The following ATXN10 variants were observed in gnomAD, a reference collection of about 807,000 sequenced individuals.
ATXN10 encodes the protein ataxin-10.
In ATXN10, 28 loss-of-function variants were observed where a neutral mutation model predicts 52.9. The observed-to-expected ratio is 0.53, with a 90% CI of 0.39 to 0.73. The LOEUF (loss-of-function observed/expected upper bound fraction) is 0.73. Among genes scored for constraint, ATXN10 ranks in the 30% least tolerant of loss-of-function variants. The pLI is 0.00. For synonymous variants in ATXN10, 226 were observed against 221.5 expected, an observed-to-expected ratio of 1.02 and a Z score of -0.18; for missense variants, 565 against 577.0, an observed-to-expected ratio of 0.98 and a Z score of 0.21.
At position 45,762,159 on chromosome 22, in the gene ATXN10, G is replaced by A. The variant is rs184950304; in HGVS notation, c.1173+21621G>A. Among the ~76,000 whole-genome samples, 292 of 152,308 alleles carry A rather than the reference G, an allele frequency of 1.9e-3. No individual in the cohort carries two copies. Among genetic ancestry groups the A allele is most frequent in the Non-Finnish European group, 3.3e-3 (222 of 68,024 alleles). On this transcript the variant is annotated intron_variant, in intron 9 of 11. Transcript: ENST00000252934. The surrounding 1 kb of genome is among the most constrained non-coding windows in gnomAD (Gnocchi z 4.3). ...AAAAGTGAAAAGCTTGACATTACAG[G>A]TAGAAAGGAAGTCAGTCTCTGTCCC...
In ATXN10 at chr22:45,725,839, C is replaced by T. The variant is rs6006799; in HGVS notation, c.729-3586C>T. Reference sequence around the variant, plus strand: ...GCTTTTACTATTTTGAGATATGTTCCTTCTATGCCCAGATTTTTATCATAA... The same window carrying T: ...GCTTTTACTATTTTGAGATATGTTCTTTCTATGCCCAGATTTTTATCATAA... On this transcript the variant is annotated intron_variant, in intron 6 of 11. Coordinates refer to ENST00000252934, the MANE Select transcript of ATXN10 (RefSeq NM_013236.4). Among the ~76,000 whole-genome samples the T allele has an allele frequency of 3.8e-3, 581 of 152,106 alleles. 4 individuals carry two copies. Among genetic ancestry groups the T allele is most frequent in the African/African-American group, 0.013 (549 of 41,512 alleles).
chr22:45,794,960 T>G (rs1927656588), intron 9 of ATXN10, among the ~76,000 whole-genome samples: 1 of 152,190 alleles, frequency 6.6e-6, no homozygotes, highest in African/African-American at 2.4e-5. Flanking sequence ...GTAATCATAA[T>G]GGCAGTATAT....
Position 45,763,421 on chromosome 22 carries a change from G to A in ATXN10, c.1173+22883G>A, listed in dbSNP as rs1306618890. 1.3e-5 allele frequency among the ~76,000 whole-genome samples: 2 copies of A among 152,192 alleles called. No individual in the cohort carries two copies. The highest frequency in any genetic ancestry group is 6.5e-5 in the Admixed American group (1 of 15,274). On this transcript the variant is annotated intron_variant, in intron 9 of 11. Transcript: ENST00000252934. This position sits in a 1 kb window ranked among gnomAD's most constrained non-coding sequence, Gnocchi z 6.9. ...GGCCTTTGGACTTGGCCCCTCGCTC[G>A]CTTTGCCAGGAGACAGGCGGCTCCT...
Position 45,783,620 on chromosome 22 carries a change from G to A in ATXN10, c.1174-23339G>A, listed in dbSNP as rs542260610. 1.1e-3 allele frequency among the ~76,000 whole-genome samples: 169 copies of A among 152,206 alleles called. No homozygotes were observed. The highest frequency in any genetic ancestry group is 3.7e-3 in the African/African-American group (154 of 41,536). On this transcript the variant is annotated intron_variant, in intron 9 of 11. Coordinates refer to ENST00000252934, the MANE Select transcript of ATXN10 (RefSeq NM_013236.4). This position sits in a 1 kb window ranked among gnomAD's most constrained non-coding sequence, Gnocchi z 5.0. ...GAATGGTGCTTTTTGCTTGTCTGTG[G>A]GGCCTTCTCTCTCCCTTATCCCCAC...
Position 45,690,062 on chromosome 22 carries a change from C to T in ATXN10, c.308+159C>T, listed in dbSNP as rs1923311148. 2.0e-5 allele frequency among the ~76,000 whole-genome samples: 3 copies of T among 152,018 alleles called. No individual in the cohort carries two copies. Among genetic ancestry groups the T allele is most frequent in the African/African-American group, 7.2e-5 (3 of 41,388 alleles). On this transcript the variant is annotated intron_variant, in intron 2 of 11. Transcript: ENST00000252934. The surrounding 1 kb of genome is among the most constrained non-coding windows in gnomAD (Gnocchi z 4.5). ...CTGAGGCAGGAGGATTGCTTGAGTC[C>T]AGGAGTTCAAGACCGGCCTGGGCAA...
chr22:45,728,017 T>G lies in ATXN10; in HGVS notation c.729-1408T>G, dbSNP rs1924947093. ...TCTCTTGAAGACAGCAGGTATTTGG[T>G]TTGTGATTTTTTTTTTTAATCCATT... On this transcript the variant is annotated intron_variant, in intron 6 of 11. Coordinates refer to ENST00000252934, the MANE Select transcript of ATXN10 (RefSeq NM_013236.4). This position sits in a 1 kb window ranked among gnomAD's most constrained non-coding sequence, Gnocchi z 4.3. Among the ~76,000 whole-genome samples the G allele has an allele frequency of 6.6e-6, 1 of 152,108 alleles. No homozygotes were observed. Among genetic ancestry groups the G allele is most frequent in the South Asian group, 2.1e-4 (1 of 4,826 alleles).
chr22:45,831,541 C>T (rs1332488545), intron 10 of ATXN10, among the ~76,000 whole-genome samples: 1 of 152,190 alleles, frequency 6.6e-6, no homozygotes, highest in Non-Finnish European at 1.5e-5. Flanking sequence ...ACAGTAATAT[C>T]TGACATTGAG....
At position 45,795,837 on chromosome 22, in the gene ATXN10, A is replaced by G. The variant is rs571034949; in HGVS notation, c.1174-11122A>G. On this transcript the variant is annotated intron_variant, in intron 9 of 11. Coordinates refer to ENST00000252934, the MANE Select transcript of ATXN10 (RefSeq NM_013236.4). This position sits in a 1 kb window ranked among gnomAD's most constrained non-coding sequence, Gnocchi z 4.6. ...ATGCCTGTCTTGTCTTTAATATCTTAATCTCGTCATCTTCATAAGCTGAGG... is the reference window on the plus strand; with the variant it reads ...ATGCCTGTCTTGTCTTTAATATCTTGATCTCGTCATCTTCATAAGCTGAGG... 7.9e-5 allele frequency among the ~76,000 whole-genome samples: 12 copies of G among 152,292 alleles called. No homozygotes were observed. The South Asian group carries it at 2.5e-3, about 32-fold the overall frequency.
chr22:45,740,852 C>T (rs971549723), intron 9 of ATXN10: 2 of 167,168 alleles, frequency 1.2e-5, no homozygotes, highest in Non-Finnish European at 2.6e-5. Flanking sequence ...TTATTATTGC[C>T]TATTATCTTA....
rs1928790750 is a variant in ATXN10 at position 45,825,671 on chromosome 22, G to C, written c.1238-17320G>C. Among the ~76,000 whole-genome samples the C allele has an allele frequency of 6.6e-6, 1 of 152,012 alleles. No individual in the cohort carries two copies. The highest frequency in any genetic ancestry group is 1.5e-5 in the Non-Finnish European group (1 of 68,008). On this transcript the variant is annotated intron_variant, in intron 10 of 11. Transcript: ENST00000252934. The surrounding 1 kb of genome is among the most constrained non-coding windows in gnomAD (Gnocchi z 4.5). Reference sequence around the variant, plus strand: ...ACAGGAAAGTAGGCCCATTCAAGGGGGAAAAAATGAAACAAACAGAAACCA... The same window carrying C: ...ACAGGAAAGTAGGCCCATTCAAGGGCGAAAAAATGAAACAAACAGAAACCA...
intron 1 of ATXN10, among the ~76,000 whole-genome samples, chr22:45,686,624 C>T (rs928649428): frequency 6.6e-5 from 10 of 152,022 alleles, no homozygotes; most frequent in African/African-American, 2.2e-4. Context: ...CCGAGACCAG[C>T]CTGACCAAAA....
chr22:45,792,087 T>G (rs937244177), intron 9 of ATXN10, among the ~76,000 whole-genome samples: 2 of 152,226 alleles, frequency 1.3e-5, no homozygotes, highest in South Asian at 4.1e-4. Context: ...TACCTTTTCT[T>G]AAGCTCAATC....
rs1924283309 is a variant in ATXN10 at position 45,712,366 on chromosome 22, T to C, written c.648-6047T>C. On this transcript the variant is annotated intron_variant, in intron 5 of 11. Transcript: ENST00000252934. The surrounding 1 kb of genome is among the most constrained non-coding windows in gnomAD (Gnocchi z 4.6). Reference sequence around the variant, plus strand: ...TGGCGAATGCATGTCCTTTTCATTATCTGCTTTTGCTTCAGGAGGGAAACA... The same window carrying C: ...TGGCGAATGCATGTCCTTTTCATTACCTGCTTTTGCTTCAGGAGGGAAACA... Among the ~76,000 whole-genome samples, 1 of 152,248 alleles carries C rather than the reference T, an allele frequency of 6.6e-6. No homozygotes were observed. The highest frequency in any genetic ancestry group is 1.5e-5 in the Non-Finnish European group (1 of 68,046).
chr22:45,702,421 T>C, intron 4 of ATXN10, among the ~76,000 whole-genome samples: 1 of 152,240 alleles, frequency 6.6e-6, no homozygotes, highest in Non-Finnish European at 1.5e-5. Context: ...ATGTAATCAT[T>C]CTAATCTTTT....
chr22:45,798,160 A>G (rs1275313948), intron 9 of ATXN10, among the ~76,000 whole-genome samples: 1 of 152,242 alleles, frequency 6.6e-6, no homozygotes, highest in African/African-American at 2.4e-5. Context: ...ACACTTCTCA[A>G]CTTATTTTAT....
At chr22:45,797,039 G>A (rs1927766443) in intron 9 of ATXN10, among the ~76,000 whole-genome samples, 2 of 152,110 alleles carry the variant, frequency 1.3e-5, no homozygotes, top group Non-Finnish European at 2.9e-5. Context: ...AGACATAATA[G>A]CCTAAACATA....
intron 7 of ATXN10, among the ~76,000 whole-genome samples, chr22:45,730,960 C>T (rs564172801): frequency 6.6e-6 from 1 of 152,296 alleles, no homozygotes; most frequent in Admixed American, 6.5e-5. Context: ...TAGTGGTATA[C>T]TGTCCTGGTT....
rs1049135779 is a variant in ATXN10, at chr22:45,832,027, G to A, written c.1238-10964G>A. On this transcript the variant is annotated intron_variant, in intron 10 of 11. Transcript: ENST00000252934. ...AAAGTTGTGTAAATTGCCCAAAGCC[G>A]TGCGGCTTGTAAAGTGGCAGAGCCA... Among the ~76,000 whole-genome samples, 13 of 152,328 alleles carry A rather than the reference G, an allele frequency of 8.5e-5. No homozygotes were observed. In the East Asian group the frequency reaches 1.7e-3, roughly 20 times the overall value.
At position 45,786,304 on chromosome 22, in the gene ATXN10, T is replaced by C. The variant is rs893088437; in HGVS notation, c.1174-20655T>C. 1.3e-5 allele frequency among the ~76,000 whole-genome samples: 2 copies of C among 152,230 alleles called. No homozygotes were observed. Among genetic ancestry groups the C allele is most frequent in the Non-Finnish European group, 2.9e-5 (2 of 68,036 alleles). On this transcript the variant is annotated intron_variant, in intron 9 of 11. Coordinates refer to ENST00000252934, the MANE Select transcript of ATXN10 (RefSeq NM_013236.4). The surrounding 1 kb of genome is among the most constrained non-coding windows in gnomAD (Gnocchi z 4.1). ...GCTTGGAGAATGCTACTCACTACTT[T>C]ACCCTATTGAGTTTTGCCATAGAAC...
Sources: allele counts gnomAD v4.1 joint callset (sites outside exome capture counted in the v4.1 genomes callset), GRCh38; gene constraint gnomAD v4.1.1; non-coding constraint Gnocchi (gnomAD v3.1); transcripts MANE v1.5; gene names NCBI Gene and HGNC (gene_info 2026-07-23, HGNC 2026-07-21).